The following PLD5 variants were observed in gnomAD, a reference collection of about 807,000 sequenced individuals.
PLD5 encodes the protein inactive phospholipase D5.
In PLD5, 36 loss-of-function variants were observed where a neutral mutation model predicts 61.1. The observed-to-expected ratio is 0.59, with a 90% CI of 0.45 to 0.78. The LOEUF is 0.78. Ranked by LOEUF, PLD5 falls within the 30% of genes least tolerant of loss-of-function variation. The probability of loss-of-function intolerance (pLI) is 0.00; values close to 1 mark genes in which losing one functional copy is unlikely to be tolerated. For synonymous variants in PLD5, 243 were observed against 242.8 expected (o/e 1.00, Z -0.01); for missense variants, 515 against 644.4 (o/e 0.80, Z 2.17).
At chr1:242,469,282 C>T (rs192488025) in intron 1 of PLD5, among the ~76,000 whole-genome samples, 1 of 152,336 alleles carries the variant, frequency 6.6e-6, no homozygotes, top group Admixed American at 6.5e-5. Context: ...GGGATGCTTT[C>T]CTGCCCTACG....
intron 2 of PLD5, among the ~76,000 whole-genome samples, chr1:242,326,868 G>A (rs1282036424): frequency 4.0e-5 from 6 of 148,966 alleles, no homozygotes. Context: ...TACCACATCT[G>A]CCTTTTTTTT....
chr1:242,396,675 T>TTC (rs1663596884), intron 1 of PLD5, among the ~76,000 whole-genome samples: 1 of 134,854 alleles, frequency 7.4e-6, no homozygotes, highest in African/African-American at 2.7e-5. Flanking sequence ...TTTCTTTTCT[T>TTC]TTTTTTTTTT....
chr1:242,197,579 C>T (rs371182373), intron 5 of PLD5, among the ~76,000 whole-genome samples: 1 of 152,218 alleles, frequency 6.6e-6, no homozygotes, highest in Non-Finnish European at 1.5e-5. Flanking sequence ...GCTCAGATAT[C>T]ACCTCCTCTA....
At chr1:242,401,963 G>T (rs951049209) in intron 1 of PLD5, among the ~76,000 whole-genome samples, 7 of 152,220 alleles carry the variant, frequency 4.6e-5, no homozygotes, top group African/African-American at 1.7e-4. Context: ...TTGGAGTCAT[G>T]TTCTAAGGTC....
At chr1:242,511,994 T>TAA (rs1398445584) in intron 1 of PLD5, among the ~76,000 whole-genome samples, 8 of 152,304 alleles carry the variant, frequency 5.3e-5, no homozygotes, top group Admixed American at 2.0e-4. Flanking sequence ...TGTGCACATG[T>TAA]CACGGACATA....
chr1:242,204,040 T>C (rs1183641730), intron 5 of PLD5, among the ~76,000 whole-genome samples: 2 of 150,754 alleles, frequency 1.3e-5, no homozygotes, highest in Non-Finnish European at 1.5e-5. Flanking sequence ...ATCAAGGACA[T>C]CCTGGCCAAC....
intron 1 of PLD5, chr1:242,377,257 C>G (rs1053932908): frequency 1.2e-6 from 2 of 1,610,372 alleles, no homozygotes; most frequent in East Asian, 2.2e-5. Context: ...GGGACGTGTT[C>G]GTGGAACTGC....
At chr1:242,323,196 C>G (rs1468120510) in intron 2 of PLD5, among the ~76,000 whole-genome samples, 1 of 151,510 alleles carries the variant, frequency 6.6e-6, no homozygotes, top group Non-Finnish European at 1.5e-5. Context: ...AAAATAGAGA[C>G]AAGGGGAAAA....
intron 5 of PLD5, among the ~76,000 whole-genome samples, chr1:242,199,312 T>G (rs1668837382): frequency 6.6e-6 from 1 of 152,144 alleles, no homozygotes; most frequent in African/African-American, 2.4e-5. Context: ...TGGAGTGCAG[T>G]GGCGCAATCT....
At chr1:242,427,139 A>T (rs961123017) in intron 1 of PLD5, among the ~76,000 whole-genome samples, 9 of 152,290 alleles carry the variant, frequency 5.9e-5, no homozygotes, top group Admixed American at 4.6e-4. Flanking sequence ...AAACTCACTG[A>T]TATTTTGAGT....
At chr1:242,463,757 T>C (rs12751376) in intron 1 of PLD5, among the ~76,000 whole-genome samples, 38,999 of 135,636 alleles carry the variant, frequency 0.29, 5,283 homozygotes, top group Admixed American at 0.41. Context: ...TTGGCAATTA[T>C]ACCCTCTTCT....
intron 4 of PLD5, among the ~76,000 whole-genome samples, chr1:242,227,474 C>T (rs1326870311): frequency 6.6e-6 from 1 of 152,150 alleles, no homozygotes; most frequent in African/African-American, 2.4e-5. Context: ...AAGCAATTCT[C>T]ATGCCTCAGC....
In PLD5 at chr1:242,084,380, T is replaced by TGAGG. The variant is rs1659363984; in HGVS notation, c.*5473_*5474insCCTC. 1 of 152,150 alleles carries TGAGG rather than the reference T, an allele frequency of 6.6e-6. No individual in the cohort carries two copies. The highest frequency in any genetic ancestry group is 2.1e-4 in the South Asian group (1 of 4,824). The allele number at this position is 152,150 out of a possible 1,614,324, so 9.4% of individuals were successfully genotyped here. A position where few individuals can be genotyped will look rare whatever the true frequency, so the allele number is the denominator to read the frequency against. ...CTTATTACATGCTGTGCATATCCTT[T>TGAGG]CAGAGATAAGACTGCCTCAAATCCA... On this transcript the variant is annotated 3_prime_UTR_variant, in exon 10 of 10. Coordinates refer to ENST00000536534, the MANE Select transcript of PLD5 (RefSeq NM_001372062.1).
chr1:242,408,874 C>A (rs976655161), intron 1 of PLD5, among the ~76,000 whole-genome samples: 2 of 152,090 alleles, frequency 1.3e-5, no homozygotes, highest in African/African-American at 4.8e-5. Context: ...CGAGACCAGC[C>A]TGGCCAACAT....
At chr1:242,507,072 A>G (rs1668747986) in intron 1 of PLD5, among the ~76,000 whole-genome samples, 1 of 152,218 alleles carries the variant, frequency 6.6e-6, no homozygotes, top group South Asian at 2.1e-4. Context: ...ATAAGGGTCT[A>G]TCTCTGGACT....
intron 4 of PLD5, among the ~76,000 whole-genome samples, chr1:242,257,637 C>T (rs1673149004): frequency 6.6e-6 from 1 of 152,118 alleles, no homozygotes; most frequent in South Asian, 2.1e-4. Flanking sequence ...GTGCTCTCAC[C>T]ACAAAAAATA....
At chr1:242,122,953 A>T (rs1301845377) in intron 6 of PLD5, among the ~76,000 whole-genome samples, 2 of 152,228 alleles carry the variant, frequency 1.3e-5, no homozygotes, top group Admixed American at 6.5e-5. Flanking sequence ...AAATAGCAAT[A>T]TTAAATTGGG....
intron 7 of PLD5, among the ~76,000 whole-genome samples, chr1:242,113,686 C>T (rs1399533444): frequency 6.6e-6 from 1 of 152,130 alleles, no homozygotes; most frequent in Non-Finnish European, 1.5e-5. Context: ...TAGGGTGAGA[C>T]CATGAGCCTT....
chr1:242,306,740 AACACACACACACACACACACACACACAC>A (rs34083497), intron 2 of PLD5, among the ~76,000 whole-genome samples: 2 of 141,036 alleles, frequency 1.4e-5, no homozygotes, highest in African/African-American at 2.6e-5. Context: ...AATTTATTAA[AACACACACACACACACACACACACACAC>A]ACACACACAC....
Sources: gnomAD v4.1 joint callset for allele counts (sites outside exome capture counted in the v4.1 genomes callset) on GRCh38, gnomAD v4.1.1 for gene constraint, MANE v1.5 for transcripts, NCBI Gene and HGNC (gene_info 2026-07-23, HGNC 2026-07-21) for gene names.